SLC25A21: variants seen among roughly 807,000 people sequenced by gnomAD.
The protein encoded by SLC25A21 is solute carrier family 25 member 21, also known as mitochondrial 2-oxodicarboxylate carrier.
Under a neutral mutation model 43.8 loss-of-function variants are expected in SLC25A21, and 47 were observed. That is an observed-to-expected ratio of 1.07 (90% CI 0.85 to 1.37). SLC25A21 has a LOEUF of 1.37. SLC25A21 is among the 40% of genes most tolerant of loss of function. SLC25A21 has a pLI of 0.00. For missense variants in SLC25A21, 352 were observed against 350.2 expected (o/e 1.00, Z -0.04); for synonymous variants, 131 against 121.3 (o/e 1.08, Z -0.52).
At chr14:36,863,547 T>C (rs888559301) in intron 2 of SLC25A21, among the ~76,000 whole-genome samples, 6 of 152,216 alleles carry the variant, frequency 3.9e-5, no homozygotes, top group African/African-American at 1.4e-4. Context: ...GAAACAGCCT[T>C]TCCAGATTAT....
intron 7 of SLC25A21, among the ~76,000 whole-genome samples, chr14:36,691,694 T>C (rs148023433): frequency 1.3e-5 from 2 of 152,224 alleles, no homozygotes; most frequent in East Asian, 3.9e-4. Context: ...TTTAGAAAAA[T>C]TAAAAATAAA....
At chr14:36,924,646 G>A (rs1892079546) in intron 1 of SLC25A21, among the ~76,000 whole-genome samples, 1 of 151,856 alleles carries the variant, frequency 6.6e-6, no homozygotes, top group Non-Finnish European at 1.5e-5. Flanking sequence ...TGCACCTTGT[G>A]CACATGTACC....
chr14:36,718,580 C>T (rs1462920572), intron 6 of SLC25A21, among the ~76,000 whole-genome samples: 1 of 152,162 alleles, frequency 6.6e-6, no homozygotes, highest in East Asian at 1.9e-4. Flanking sequence ...ATAAAGTTGA[C>T]TCTATGTAAT....
rs562417830 is a variant in SLC25A21 at position 36,914,600 on chromosome 14, A to G, written c.71-39596T>C. 2.6e-5 allele frequency among the ~76,000 whole-genome samples: 4 copies of G among 152,314 alleles called. No individual in the cohort carries two copies. In the South Asian group the frequency reaches 8.3e-4, roughly 32 times the overall value. Reference sequence around the variant, plus strand: ...TTTTTCTTTGCACTGGAAAAAGAACATAAAGCGAGTGACAACACATAATCA... The same window carrying G: ...TTTTTCTTTGCACTGGAAAAAGAACGTAAAGCGAGTGACAACACATAATCA... On this transcript the variant is annotated intron_variant, in intron 1 of 9. Coordinates refer to ENST00000331299, the MANE Select transcript of SLC25A21 (RefSeq NM_030631.4).
intron 1 of SLC25A21, among the ~76,000 whole-genome samples, chr14:37,069,541 T>C (rs1252727440): frequency 1.3e-5 from 2 of 152,198 alleles, no homozygotes; most frequent in Non-Finnish European, 2.9e-5. Context: ...ACCACATGCA[T>C]CCTAATAGAA....
chr14:36,815,648 T>C (rs1306985469), intron 2 of SLC25A21, among the ~76,000 whole-genome samples: 1 of 152,198 alleles, frequency 6.6e-6, no homozygotes. Context: ...CCTGAACTCT[T>C]AGCCCTCCAA....
At chr14:36,681,317 G>T (rs1218328862) in intron 9 of SLC25A21, among the ~76,000 whole-genome samples, 1 of 152,192 alleles carries the variant, frequency 6.6e-6, no homozygotes, top group Non-Finnish European at 1.5e-5. Context: ...ATATGGATTT[G>T]AACTTGAAAA....
At chr14:37,009,521 A>G (rs1020870673) in intron 1 of SLC25A21, among the ~76,000 whole-genome samples, 2 of 152,158 alleles carry the variant, frequency 1.3e-5, no homozygotes, top group African/African-American at 4.8e-5. Context: ...TTGGTTTTGT[A>G]AGAAAAATCT....
At chr14:36,954,661 G>A (rs74632933) in intron 1 of SLC25A21, among the ~76,000 whole-genome samples, 3,225 of 152,112 alleles carry the variant, frequency 0.021, 113 homozygotes, top group African/African-American at 0.075. Flanking sequence ...AAATCGCTAC[G>A]AGAGTAGATT....
intron 1 of SLC25A21, among the ~76,000 whole-genome samples, chr14:36,884,192 G>A (rs1317795564): frequency 6.6e-6 from 1 of 152,026 alleles, no homozygotes; most frequent in Non-Finnish European, 1.5e-5. Context: ...CTATTCCATG[G>A]GTTCAACTTT....
chr14:36,841,705 G>A (rs757947751), intron 2 of SLC25A21, among the ~76,000 whole-genome samples: 3 of 152,104 alleles, frequency 2.0e-5, no homozygotes, highest in East Asian at 1.9e-4. Flanking sequence ...GCCCAAGAAC[G>A]TACGGTGGTT....
chr14:36,958,559 T>C (rs1436464462), intron 1 of SLC25A21, among the ~76,000 whole-genome samples: 1 of 152,158 alleles, frequency 6.6e-6, no homozygotes, highest in Non-Finnish European at 1.5e-5. Flanking sequence ...CTCTTCCTTG[T>C]GGAAACTAGC....
chr14:36,822,699 G>A (rs1382393532), intron 2 of SLC25A21, among the ~76,000 whole-genome samples: 5 of 152,140 alleles, frequency 3.3e-5, no homozygotes, highest in Admixed American at 2.0e-4. Flanking sequence ...TTTTAACAGA[G>A]CCTCAAAAAT....
intron 1 of SLC25A21, among the ~76,000 whole-genome samples, chr14:36,932,223 T>TA (rs1892313583): frequency 1.3e-5 from 2 of 152,082 alleles, no homozygotes; most frequent in African/African-American, 4.8e-5. Flanking sequence ...CCTCCTCTAT[T>TA]AAAAAAGAAT....
intron 3 of SLC25A21, chr14:36,809,135 C>T (rs765568686): frequency 2.6e-5 from 4 of 152,250 alleles, no homozygotes; most frequent in East Asian, 1.9e-4. Context: ...ACAAAACCAA[C>T]GCTATTGGTT....
intron 3 of SLC25A21, among the ~76,000 whole-genome samples, chr14:36,779,604 GTATACATATATATATATATATATA>G (rs939243909): frequency 1.9e-5 from 1 of 51,878 alleles, no homozygotes; most frequent in Non-Finnish European, 4.1e-5. Flanking sequence ...ATGTATATGT[GTATACATATATATATATATATATA>G]TATATATATA....
chr14:36,766,978 A>G (rs1291188981), intron 3 of SLC25A21, among the ~76,000 whole-genome samples: 3 of 152,234 alleles, frequency 2.0e-5, no homozygotes. Context: ...TGTGTGATAT[A>G]ATAATATCTA....
chr14:37,053,884 C>A (rs965934823), intron 1 of SLC25A21, among the ~76,000 whole-genome samples: 2 of 152,148 alleles, frequency 1.3e-5, no homozygotes, highest in Admixed American at 1.3e-4. Flanking sequence ...GATTAAAGCA[C>A]ATCAATATAT....
chr14:36,904,624 G>T (rs886192809), intron 1 of SLC25A21, among the ~76,000 whole-genome samples: 4 of 152,166 alleles, frequency 2.6e-5, no homozygotes, highest in Non-Finnish European at 5.9e-5. Flanking sequence ...CCACATGGCT[G>T]GGGAGGCCTT....
Sources: gnomAD v4.1 joint callset for allele counts (sites outside exome capture counted in the v4.1 genomes callset) on GRCh38, gnomAD v4.1.1 for gene constraint, MANE v1.5 for transcripts, NCBI Gene and HGNC (gene_info 2026-07-23, HGNC 2026-07-21) for gene names.